The following B4GALT5 variants were observed in gnomAD, a reference collection of about 807,000 sequenced individuals.
B4GALT5 encodes the protein beta-1,4-galactosyltransferase 5.
B4GALT5 carries 11 observed loss-of-function variants against 45.0 expected under a neutral mutation model. The ratio of observed to expected loss-of-function variants is 0.24; its 90% CI spans 0.15 to 0.40. The LOEUF (loss-of-function observed/expected upper bound fraction) is 0.40. Among genes scored for constraint, B4GALT5 ranks in the 10% least tolerant of loss-of-function variants. The pLI, the probability that B4GALT5 is intolerant of heterozygous loss-of-function variation, is 1.00. For missense variants in B4GALT5, 337 were observed against 500.2 expected, an observed-to-expected ratio of 0.67 and a Z score of 3.11; for synonymous variants, 185 against 182.9, an observed-to-expected ratio of 1.01 and a Z score of -0.09.
chr20:49,670,431 ATTTATTTT>A (rs1418500919), intron 1 of B4GALT5, among the ~76,000 whole-genome samples: 1 of 152,032 alleles, frequency 6.6e-6, no homozygotes, highest in Non-Finnish European at 1.5e-5. Flanking sequence ...AACAGTAATG[ATTTATTTT>A]TTTGAGACAG....
intron 8 of B4GALT5, 103 bp from the exon 9 acceptor site, chr20:49,636,562 T>C (rs1601243561): frequency 7.5e-7 from 1 of 1,325,218 alleles, no homozygotes. Context: ...ACGCAACCCA[T>C]GGCAGCACTT....
Position 49,635,210 on chromosome 20 carries a change from G to C in B4GALT5, c.*1102C>G, listed in dbSNP as rs907003632. The C allele has an allele frequency of 1.3e-5, 2 of 152,370 alleles. No individual in the cohort carries two copies. Among genetic ancestry groups the C allele is most frequent in the Non-Finnish European group, 1.5e-5 (1 of 68,150 alleles). The allele number at this position is 152,370 out of a possible 1,614,324, so 9.4% of individuals were successfully genotyped here. ...CAAGAGAAAAAGTAAGAGGGGGAGGGATTCCCATACACACCCCCGCCCCCC... is the reference window on the plus strand; with the variant it reads ...CAAGAGAAAAAGTAAGAGGGGGAGGCATTCCCATACACACCCCCGCCCCCC... On this transcript the variant is annotated 3_prime_UTR_variant, in exon 9 of 9. Transcript: ENST00000371711.
intron 3 of B4GALT5, 63 bp from the exon 4 acceptor site, chr20:49,643,713 G>A (rs2085586695): frequency 5.8e-6 from 9 of 1,563,468 alleles, no homozygotes; most frequent in Non-Finnish European, 7.8e-6. Context: ...CTATGCCTGG[G>A]GTTTTAGTCT....
intron 1 of B4GALT5, among the ~76,000 whole-genome samples, chr20:49,698,048 G>A (rs1037038851): frequency 7.2e-5 from 11 of 152,106 alleles, no homozygotes; most frequent in African/African-American, 2.4e-4. Context: ...CCAGCCGGGC[G>A]CGGTGGCTCA....
At chr20:49,641,581 T>C (rs1316232750) in intron 5 of B4GALT5, among the ~76,000 whole-genome samples, 1 of 152,192 alleles carries the variant, frequency 6.6e-6, no homozygotes, top group Non-Finnish European at 1.5e-5. Flanking sequence ...CCGTTAGCAT[T>C]TCCCAGATGC....
At chr20:49,704,368 A>C (rs565376932) in intron 1 of B4GALT5, among the ~76,000 whole-genome samples, 22 of 152,332 alleles carry the variant, frequency 1.4e-4, no homozygotes, top group African/African-American at 5.1e-4. Context: ...CAACTTTTTA[A>C]TAAAAATAAT....
intron 1 of B4GALT5, among the ~76,000 whole-genome samples, chr20:49,706,212 AATCAT>A (rs2085883284): frequency 6.6e-6 from 1 of 151,356 alleles, no homozygotes; most frequent in Non-Finnish European, 1.5e-5. Flanking sequence ...AAAAAAAAAA[AATCAT>A]AAACATAAGG....
chr20:49,701,937 C>T lies in B4GALT5; in HGVS notation c.115+11639G>A, dbSNP rs189836523. On this transcript the variant is annotated intron_variant, in intron 1 of 8. Coordinates refer to ENST00000371711, the MANE Select transcript of B4GALT5 (RefSeq NM_004776.4). ...AAAATTAGCTGGGGGTGGTGGCATG[C>T]GCCTGTAACCCCAGCTACTCAGGAG... is the stretch of plus-strand genomic sequence containing the variant. Among the ~76,000 whole-genome samples the T allele has an allele frequency of 3.6e-4, 55 of 152,182 alleles. 1 individual carries two copies. The highest frequency in any genetic ancestry group is 3.1e-3 in the East Asian group (16 of 5,170).
At chr20:49,638,480 C>T (rs903462355) in intron 7 of B4GALT5, among the ~76,000 whole-genome samples, 5 of 152,210 alleles carry the variant, frequency 3.3e-5, no homozygotes, top group African/African-American at 1.2e-4. Context: ...CTTTATTCCA[C>T]TCACACACAG....
intron 5 of B4GALT5, 96 bp from the exon 6 acceptor site, chr20:49,640,761 A>G: frequency 7.9e-7 from 1 of 1,266,190 alleles, no homozygotes; most frequent in Non-Finnish European, 1.1e-6. Context: ...AACCAACTGG[A>G]AAAGATCACT....
chr20:49,662,039 G>T (rs550575588), intron 1 of B4GALT5, among the ~76,000 whole-genome samples: 1 of 152,252 alleles, frequency 6.6e-6, no homozygotes, highest in East Asian at 1.9e-4. Context: ...GAAGGACTGG[G>T]TTTCCTGCCC....
chr20:49,701,331 G>C (rs780456040), intron 1 of B4GALT5, among the ~76,000 whole-genome samples: 1 of 151,962 alleles, frequency 6.6e-6, no homozygotes, highest in Admixed American at 6.6e-5. Context: ...TTGCAGTTCA[G>C]CTGATATCAG....
rs189903479 is a variant in B4GALT5, at chr20:49,705,155, C to G, written c.115+8421G>C. ...TAAAAAGAATTACTGAATCCAAATG[C>G]AATATTCATTTTCATTTAACATCCA... On this transcript the variant is annotated intron_variant, in intron 1 of 8. Transcript: ENST00000371711. Among the ~76,000 whole-genome samples, 15 of 152,216 alleles carry G rather than the reference C, an allele frequency of 9.9e-5. No individual in the cohort carries two copies. The Middle Eastern group carries it at 0.014, about 138-fold the overall frequency.
intron 1 of B4GALT5, among the ~76,000 whole-genome samples, chr20:49,696,916 G>A (rs2085841697): frequency 6.6e-6 from 1 of 152,032 alleles, no homozygotes; most frequent in Non-Finnish European, 1.5e-5. Context: ...ATGAAGAGTC[G>A]GTTTTTCACA....
chr20:49,664,615 A>T (rs1461190454), intron 1 of B4GALT5, among the ~76,000 whole-genome samples: 3 of 152,206 alleles, frequency 2.0e-5, no homozygotes, highest in African/African-American at 7.2e-5. Context: ...GAAAAATCAG[A>T]GTGCTAAAAT....
At chr20:49,705,292 G>C (rs2085879290) in intron 1 of B4GALT5, among the ~76,000 whole-genome samples, 1 of 152,074 alleles carries the variant, frequency 6.6e-6, no homozygotes, top group Non-Finnish European at 1.5e-5. Flanking sequence ...AAAAGGATTA[G>C]CCCACAGGAC....
intron 3 of B4GALT5, among the ~76,000 whole-genome samples, chr20:49,645,312 T>C (rs1170680012): frequency 3.3e-5 from 5 of 152,228 alleles, no homozygotes; most frequent in African/African-American, 9.6e-5. Flanking sequence ...GGATGGCATA[T>C]ACGGTGGTTG....
chr20:49,694,488 C>T lies in B4GALT5; in HGVS notation c.115+19088G>A, dbSNP rs1391903891. On this transcript the variant is annotated intron_variant, in intron 1 of 8. Coordinates refer to ENST00000371711, the MANE Select transcript of B4GALT5 (RefSeq NM_004776.4). ...GCAACACAGGGAGACCTAGTCCCTA[C>T]AAAAAAATTTTTTAAAAAGTAGCTA... Among the ~76,000 whole-genome samples, 6 of 151,752 alleles carry T rather than the reference C, an allele frequency of 4.0e-5. No homozygotes were observed. The East Asian group carries it at 9.7e-4, about 24-fold the overall frequency.
intron 1 of B4GALT5, among the ~76,000 whole-genome samples, chr20:49,704,697 C>T (rs1295629885): frequency 6.8e-6 from 1 of 147,834 alleles, no homozygotes; most frequent in Admixed American, 6.8e-5. Context: ...CCAGCCTGGG[C>T]GACAGAGCAA....
Sources: allele counts gnomAD v4.1 joint callset (sites outside exome capture counted in the v4.1 genomes callset), GRCh38; gene constraint gnomAD v4.1.1; transcripts MANE v1.5; gene names NCBI Gene and HGNC (gene_info 2026-07-23, HGNC 2026-07-21).